Variants in GADL1 observed in about 807,000 individuals in gnomAD.
GADL1 encodes the protein GAD like acidic amino acid decarboxylase 1.
A neutral mutation model predicts 69.5 loss-of-function variants in GADL1; 71 were observed. That is an observed-to-expected ratio of 1.02 (90% CI 0.84 to 1.25). The LOEUF (loss-of-function observed/expected upper bound fraction) is 1.25. GADL1 is among the 50% of genes most tolerant of loss of function. The probability of loss-of-function intolerance (pLI) is 0.00; values close to 1 mark genes in which losing one functional copy is unlikely to be tolerated. For synonymous variants in GADL1, 254 were observed against 214.4 expected, an observed-to-expected ratio of 1.18 and a Z score of -1.62; for missense variants, 737 against 631.8, an observed-to-expected ratio of 1.17 and a Z score of -1.79.
At chr3:30,834,316 T>C in intron 9 of GADL1, 35 bp from the exon 10 acceptor site, 3 of 1,565,974 alleles carry the variant, frequency 1.9e-6, no homozygotes, top group Non-Finnish European at 2.6e-6. Flanking sequence ...AACAATGTTA[T>C]TTCAATGTTA....
chr3:30,809,864 CTA>C lies in GADL1; in HGVS notation c.1051-8778_1051-8777del, dbSNP rs565682973. 7.9e-5 allele frequency among the ~76,000 whole-genome samples: 12 copies of C among 152,292 alleles called. No homozygotes were observed. The South Asian group carries it at 2.1e-3, about 26-fold the overall frequency. On this transcript the variant is annotated intron_variant, in intron 11 of 14. Transcript: ENST00000282538. ...AACATTCATACTGCAAGAAGGGTCT[CTA>C]TGCATATTCTGTGGGGATATATACA...
intron 6 of GADL1, among the ~76,000 whole-genome samples, chr3:30,846,656 A>G (rs1386212539): frequency 6.6e-6 from 1 of 152,192 alleles, no homozygotes; most frequent in Non-Finnish European, 1.5e-5. Flanking sequence ...GAGAATGAAC[A>G]AAAAGAGTGT....
At chr3:30,852,288 G>A (rs1360940380) in intron 4 of GADL1, among the ~76,000 whole-genome samples, 7 of 152,126 alleles carry the variant, frequency 4.6e-5, no homozygotes, top group Non-Finnish European at 1.0e-4. Context: ...TTCAAGGCGG[G>A]TGGATCATAG....
intron 1 of GADL1, among the ~76,000 whole-genome samples, chr3:30,887,163 A>T (rs1698720459): frequency 6.6e-6 from 1 of 152,174 alleles, no homozygotes; most frequent in South Asian, 2.1e-4. Context: ...CTGTTACTTA[A>T]TAGAGTACTT....
intron 6 of GADL1, 35 bp downstream of exon 6, chr3:30,849,961 G>T: frequency 1.6e-6 from 2 of 1,271,160 alleles, no homozygotes; most frequent in Non-Finnish European, 2.3e-6. Flanking sequence ...TGCTTTCTCA[G>T]AAAATCTATA....
intron 4 of GADL1, among the ~76,000 whole-genome samples, chr3:30,851,573 C>T (rs1292592023): frequency 6.6e-6 from 1 of 152,064 alleles, no homozygotes; most frequent in Non-Finnish European, 1.5e-5. Flanking sequence ...ATGTTTTAGC[C>T]CCTTTAGAGA....
chr3:30,794,158 C>G (rs761420016), intron 12 of GADL1, among the ~76,000 whole-genome samples: 2 of 152,156 alleles, frequency 1.3e-5, no homozygotes, highest in Non-Finnish European at 2.9e-5. Flanking sequence ...ATACTGATAA[C>G]AATACACCCC....
chr3:30,777,513 C>A lies in GADL1; in HGVS notation c.1392+666G>T, dbSNP rs541369965. 2.0e-5 allele frequency among the ~76,000 whole-genome samples: 3 copies of A among 152,152 alleles called. No individual in the cohort carries two copies. In the South Asian group the frequency reaches 6.2e-4, roughly 32 times the overall value. ...AAGTGGGATCAAGTAGTGTTACTCA[C>A]GAGACTCCATAGTGCTTGGAAATCT... On this transcript the variant is annotated intron_variant, in intron 14 of 14. Coordinates refer to ENST00000282538, the MANE Select transcript of GADL1 (RefSeq NM_207359.3).
chr3:30,761,536 A>G (rs1253841100), intron 14 of GADL1, among the ~76,000 whole-genome samples: 3 of 152,204 alleles, frequency 2.0e-5, no homozygotes, highest in Non-Finnish European at 4.4e-5. Flanking sequence ...TTTTTAGTGC[A>G]AAGAATTATT....
Position 30,839,022 on chromosome 3 carries a change from C to T in GADL1, c.878G>A (p.Arg293Lys). The T allele has an allele frequency of 6.2e-7, 1 of 1,602,712 alleles. No individual in the cohort carries two copies. Among genetic ancestry groups the T allele is most frequent in the Admixed American group, 1.7e-5 (1 of 58,334 alleles). Reference sequence around the variant, plus strand: ...ATCTACATGAAGCCAGAGGCTGTGCCTCTCGCAGATGTCTGCTATTTCATC... The same window carrying T: ...ATCTACATGAAGCCAGAGGCTGTGCTTCTCGCAGATGTCTGCTATTTCATC... ...PLDEIADICE[R>K]HSLWLHVDAS... The change falls in exon 9 of 15, where the codon AGG (arginine) becomes AAG (lysine). Residue 293 changes from arginine (R) to lysine (K), a missense_variant. Arg to Lys is a conservative substitution (Grantham distance 26). Coordinates refer to ENST00000282538, the MANE Select transcript of GADL1 (RefSeq NM_207359.3).
chr3:30,818,165 C>T (rs1228605594), intron 11 of GADL1, among the ~76,000 whole-genome samples: 3 of 152,014 alleles, frequency 2.0e-5, no homozygotes, highest in African/African-American at 7.3e-5. Flanking sequence ...CCAATTGGAC[C>T]AGAGGCTAAG....
At chr3:30,815,909 AGTTCC>A (rs1697459302) in intron 11 of GADL1, among the ~76,000 whole-genome samples, 1 of 152,132 alleles carries the variant, frequency 6.6e-6, no homozygotes, top group Non-Finnish European at 1.5e-5. Context: ...ACTGAATCCC[AGTTCC>A]ATCCTTTATG....
intron 11 of GADL1, among the ~76,000 whole-genome samples, chr3:30,822,770 T>G (rs1005893562): frequency 9.2e-5 from 14 of 152,062 alleles, no homozygotes; most frequent in Admixed American, 7.2e-4. Flanking sequence ...TTCAGCAGTG[T>G]TCTCATTTTA....
At chr3:30,731,880 T>A (rs1378280884) in intron 14 of GADL1, among the ~76,000 whole-genome samples, 1 of 152,230 alleles carries the variant, frequency 6.6e-6, no homozygotes, top group Non-Finnish European at 1.5e-5. Flanking sequence ...CTGATATTCA[T>A]CAAATCTTTA....
intron 9 of GADL1, among the ~76,000 whole-genome samples, chr3:30,836,369 G>A (rs1260620003): frequency 1.3e-5 from 2 of 150,072 alleles, no homozygotes; most frequent in East Asian, 4.0e-4. Context: ...GGCAGGGTTA[G>A]GAACAGCTCA....
chr3:30,731,521 A>G (rs1453462565), intron 14 of GADL1, among the ~76,000 whole-genome samples: 1 of 152,194 alleles, frequency 6.6e-6, no homozygotes, highest in Non-Finnish European at 1.5e-5. Flanking sequence ...CGTGAACAAG[A>G]AAGGTAAAGG....
At chr3:30,843,439 G>A (rs574929103) in intron 8 of GADL1, among the ~76,000 whole-genome samples, 6 of 152,030 alleles carry the variant, frequency 3.9e-5, no homozygotes, top group African/African-American at 1.4e-4. Context: ...GATATTGTTG[G>A]TAGTGACGGG....
At chr3:30,835,487 G>A (rs1697859609) in intron 9 of GADL1, among the ~76,000 whole-genome samples, 1 of 151,254 alleles carries the variant, frequency 6.6e-6, no homozygotes, top group East Asian at 1.9e-4. Context: ...CCCATTGGTA[G>A]CCAATAACAA....
chr3:30,811,023 A>C (rs999016547), intron 11 of GADL1, among the ~76,000 whole-genome samples: 1 of 152,100 alleles, frequency 6.6e-6, no homozygotes, highest in Non-Finnish European at 1.5e-5. Context: ...TATTCTGAAC[A>C]CTTAGTGTTG....
Sources: allele counts gnomAD v4.1 joint callset (sites outside exome capture counted in the v4.1 genomes callset), GRCh38; gene constraint gnomAD v4.1.1; transcripts MANE v1.5; gene names NCBI Gene and HGNC (gene_info 2026-07-23, HGNC 2026-07-21).